The following ATRX variants were observed in gnomAD, a reference collection of about 807,000 sequenced individuals.
ATRX encodes the protein chromatin remodeler ATRX.
A neutral mutation model predicts 172.6 loss-of-function variants in ATRX; 12 were observed. The observed-to-expected ratio is 0.07, with a 90% CI of 0.04 to 0.11. The LOEUF (loss-of-function observed/expected upper bound fraction) is 0.11. Ranked by LOEUF, ATRX falls within the 10% of genes least tolerant of loss-of-function variation. ATRX has a pLI of 1.00. For missense variants in ATRX, 1,368 were observed against 1,767.4 expected (o/e 0.77, Z 4.05); for synonymous variants, 674 against 594.7 (o/e 1.13, Z -1.94).
At chrX:77,511,444 G>A (rs781966425) in intron 34 of ATRX, among the ~76,000 whole-genome samples, 2 of 111,347 alleles carry the variant, frequency 1.8e-5, no homozygotes, top group South Asian at 3.8e-4. Context: ...CAGGAAACAC[G>A]ACATCACCAA....
intron 2 of ATRX, among the ~76,000 whole-genome samples, chrX:77,700,984 T>A (rs782329748): frequency 8.9e-6 from 1 of 112,418 alleles, no homozygotes; most frequent in South Asian, 3.6e-4. Flanking sequence ...TATATATTTG[T>A]CAAAAATCTT....
At chrX:77,717,274 A>C (rs367730391) in intron 1 of ATRX, 31 bp from the exon 2 acceptor site, 4 of 1,065,303 alleles carry the variant, frequency 3.8e-6, no homozygotes, top group East Asian at 3.0e-5. Context: ...GAATTCCCTT[A>C]ATTAGCCTTT....
At chrX:77,570,886 A>G (rs782105743) in intron 28 of ATRX, among the ~76,000 whole-genome samples, 56 of 112,140 alleles carry the variant, frequency 5.0e-4, no homozygotes, top group African/African-American at 1.5e-3. Context: ...CCAATAAGAA[A>G]ATGGACAAAA....
At chrX:77,764,964 T>A (rs559831128) in intron 1 of ATRX, among the ~76,000 whole-genome samples, 1 of 111,020 alleles carries the variant, frequency 9.0e-6, no homozygotes, top group South Asian at 3.8e-4. Flanking sequence ...TCACATGAGG[T>A]CAAGAGTTCA....
intron 30 of ATRX, among the ~76,000 whole-genome samples, chrX:77,538,882 C>A (rs1423697103): frequency 9.2e-6 from 1 of 108,130 alleles, no homozygotes; most frequent in Non-Finnish European, 1.9e-5. Context: ...TTTCTGAATG[C>A]TAACTTTGCT....
At chrX:77,702,807 G>A (rs781904357) in intron 2 of ATRX, among the ~76,000 whole-genome samples, 7 of 110,935 alleles carry the variant, frequency 6.3e-5, no homozygotes, top group Admixed American at 3.8e-4. Flanking sequence ...GCTCACTGCC[G>A]CCTCAAATTC....
At chrX:77,732,588 G>A (rs1234234248) in intron 1 of ATRX, among the ~76,000 whole-genome samples, 2 of 111,716 alleles carry the variant, frequency 1.8e-5, no homozygotes, top group African/African-American at 6.5e-5. Context: ...ATCGTAACCA[G>A]GTGGAGTTTA....
chrX:77,618,110 G>A (rs2067430567), intron 21 of ATRX, among the ~76,000 whole-genome samples: 1 of 111,691 alleles, frequency 9.0e-6, no homozygotes, highest in Non-Finnish European at 1.9e-5. Context: ...TTGAATCCAT[G>A]GATGCAGAAC....
At chrX:77,782,559 G>C (rs1274975588) in intron 1 of ATRX, among the ~76,000 whole-genome samples, 5 of 110,766 alleles carry the variant, frequency 4.5e-5, no homozygotes, top group African/African-American at 1.6e-4. Flanking sequence ...GACCAGCCTG[G>C]CTGGCCAACA....
chrX:77,611,041 C>T (rs2067133149), intron 22 of ATRX, among the ~76,000 whole-genome samples: 1 of 109,735 alleles, frequency 9.1e-6, no homozygotes, highest in African/African-American at 3.3e-5. Context: ...GTCACACATA[C>T]ATTTTAAAAA....
intron 30 of ATRX, among the ~76,000 whole-genome samples, chrX:77,543,128 C>T (rs1350846791): frequency 1.8e-5 from 2 of 111,729 alleles, no homozygotes; most frequent in Non-Finnish European, 3.8e-5. Flanking sequence ...AAAAAACAAC[C>T]CTATCAAAAA....
chrX:77,609,232 G>C (rs1557092648), intron 22 of ATRX, among the ~76,000 whole-genome samples: 1 of 111,555 alleles, frequency 9.0e-6, no homozygotes, highest in African/African-American at 3.3e-5. Context: ...CCCACAGCTG[G>C]ATATATACTC....
chrX:77,756,239 T>C (rs1175110713), intron 1 of ATRX, among the ~76,000 whole-genome samples: 2 of 111,206 alleles, frequency 1.8e-5, no homozygotes, highest in South Asian at 3.8e-4. Context: ...GACTGCTGTG[T>C]TGGCAATGAG....
chrX:77,528,117 G>A (rs1056254546), intron 30 of ATRX, among the ~76,000 whole-genome samples: 1 of 110,052 alleles, frequency 9.1e-6, no homozygotes, highest in Non-Finnish European at 1.9e-5. Context: ...TGTGGAGAGT[G>A]CAGACCACCC....
Position 77,520,851 on chromosome X carries a change from G to T in ATRX, c.7137C>A (p.Ser2379Arg), listed in dbSNP as rs1557041080. ...CTCTTCGTTTAACATCAAGCTCCTG[G>T]CTGGCTTGTCTACTTAATGCTAACG... ...VQALALSRQASQELDVKRREA... is the reference protein window; with the variant it reads ...VQALALSRQARQELDVKRREA... Residue 2379 changes from serine (S) to arginine (R), a missense_variant, in exon 34 of 35, where the codon AGC (serine) becomes AGA (arginine). This residue lies in a region of ATRX where 100 missense variants were observed against 153.9 expected (regional missense o/e 0.65). Coordinates refer to ENST00000373344, the MANE Select transcript of ATRX (RefSeq NM_000489.6). 1 of 1,208,976 alleles carries T rather than the reference G, an allele frequency of 8.3e-7. No homozygotes were observed. The highest frequency in any genetic ancestry group is 2.2e-5 in the Admixed American group (1 of 45,893).
At chrX:77,575,556 TTTA>T (rs1389053092) in intron 27 of ATRX, 1 of 111,404 alleles carries the variant, frequency 9.0e-6, no homozygotes, top group Non-Finnish European at 1.9e-5. Context: ...ATACTCACCT[TTTA>T]TTATAATGCA....
In ATRX at chrX:77,663,430, T is replaced by C. The variant is rs781912326; in HGVS notation, c.4072A>G (p.Thr1358Ala). The change falls in exon 12 of 35, where the codon ACA (threonine) becomes GCA (alanine). Residue 1358 changes from threonine to alanine, a missense_variant. By Grantham distance (58) the Thr-to-Ala change is moderately conservative (BLOSUM62 0). Around this residue, in one of 17 missense-constraint regions of ATRX, gnomAD observed 119 missense variants for 131.3 expected, o/e 0.91. Coordinates refer to ENST00000373344, the MANE Select transcript of ATRX (RefSeq NM_000489.6). ...SDGESGEEKKTKPKEHKEVKG... is the reference protein window; with the variant it reads ...SDGESGEEKKAKPKEHKEVKG... ...ACTTCTTTATGCTCTTTAGGCTTTG[T>C]CTTTTTTTCTTCTCCAGATTCTCCG... 1.7e-6 allele frequency: 2 copies of C among 1,211,875 alleles called. No individual in the cohort carries two copies. The highest frequency in any genetic ancestry group is 2.2e-6 in the Non-Finnish European group (2 of 895,486).
At chrX:77,513,518 G>A (rs1557037666) in intron 34 of ATRX, among the ~76,000 whole-genome samples, 2 of 109,516 alleles carry the variant, frequency 1.8e-5, no homozygotes, top group African/African-American at 6.7e-5. Flanking sequence ...CCTGAATGGG[G>A]CTACCGCACA....
intron 30 of ATRX, among the ~76,000 whole-genome samples, chrX:77,539,739 T>G (rs1287067853): frequency 3.6e-5 from 4 of 111,490 alleles, no homozygotes; most frequent in Admixed American, 1.9e-4. Flanking sequence ...GAAGGAGAAA[T>G]AAATTCCTTT....
Sources: allele counts gnomAD v4.1 joint callset (sites outside exome capture counted in the v4.1 genomes callset), GRCh38; gene constraint gnomAD v4.1.1; regional missense constraint gnomAD v4.1.1; transcripts MANE v1.5; gene names NCBI Gene and HGNC (gene_info 2026-07-23, HGNC 2026-07-21).